The following RAB3C variants were observed in gnomAD, a reference collection of about 807,000 sequenced individuals.
RAB3C encodes ras-related protein Rab-3C.
Under a neutral mutation model 26.4 loss-of-function variants are expected in RAB3C, and 17 were observed. The observed-to-expected ratio is 0.64, with a 90% confidence interval of 0.44 to 0.97. RAB3C has a LOEUF of 0.97. Among genes scored for constraint, RAB3C ranks in the 50% least tolerant of loss-of-function variants. The pLI, the probability that RAB3C is intolerant of heterozygous loss-of-function variation, is 0.00. For synonymous variants in RAB3C, 91 were observed against 95.9 expected (o/e 0.95, Z 0.30); for missense variants, 242 against 281.9 (o/e 0.86, Z 1.01).
intron 3 of RAB3C, among the ~76,000 whole-genome samples, chr5:58,766,495 C>T (rs771192800): frequency 4.6e-5 from 7 of 152,182 alleles, no homozygotes; most frequent in Non-Finnish European, 1.5e-5. Context: ...ATGTCCACGA[C>T]AGAAGTTCAG....
intron 3 of RAB3C, among the ~76,000 whole-genome samples, chr5:58,806,383 C>T (rs1742938556): frequency 6.6e-6 from 1 of 152,066 alleles, no homozygotes; most frequent in Non-Finnish European, 1.5e-5. Flanking sequence ...GCAACCAATA[C>T]ATCAATTTTA....
intron 3 of RAB3C, among the ~76,000 whole-genome samples, chr5:58,784,557 G>A (rs1424369284): frequency 1.3e-5 from 2 of 152,048 alleles, no homozygotes; most frequent in Admixed American, 6.6e-5. Context: ...CGGTTTACAT[G>A]TATTGCTGCT....
In RAB3C at chr5:58,825,066, G is replaced by A; in HGVS notation, c.400G>A (p.Asp134Asn). The change falls in exon 4 of 5, where the codon GAC becomes AAC. Residue 134 changes from aspartate (D) to asparagine (N), a missense_variant. Coordinates refer to ENST00000282878, the MANE Select transcript of RAB3C (RefSeq NM_138453.4). ...WSTQIKTYSW[D>N]NAQVILVGNK... ...AACTCAAATCAAAACATACTCTTGGGACAATGCCCAAGTTATTCTGGTTGG... is the reference window on the plus strand; with the variant it reads ...AACTCAAATCAAAACATACTCTTGGAACAATGCCCAAGTTATTCTGGTTGG... 6.2e-7 allele frequency: 1 copy of A among 1,612,250 alleles called. No individual in the cohort carries two copies. The highest frequency in any genetic ancestry group is 2.2e-5 in the East Asian group (1 of 44,784).
At chr5:58,582,825 C>G (rs1745927724), upstream of RAB3C, among the ~76,000 whole-genome samples, 1 of 152,234 alleles carries the variant, frequency 6.6e-6, no homozygotes, top group South Asian at 2.1e-4. Flanking sequence ...CATTCGCCTG[C>G]CCCTGGCGAG....
chr5:58,832,054 G>A lies in RAB3C; in HGVS notation c.496+6892G>A, dbSNP rs73757988. Among the ~76,000 whole-genome samples, 1,122 of 152,306 alleles carry A rather than the reference G, an allele frequency of 7.4e-3. 19 individuals carry two copies. Among genetic ancestry groups the A allele is most frequent in the African/African-American group, 0.025 (1,053 of 41,572 alleles). Reference sequence around the variant, plus strand: ...AAAACAAGGGGCAGATTAGCCCAGAGAGCCAGCAGAAGGAAGCTGTAATTG... The same window carrying A: ...AAAACAAGGGGCAGATTAGCCCAGAAAGCCAGCAGAAGGAAGCTGTAATTG... On this transcript the variant is annotated intron_variant, in intron 4 of 4. Transcript: ENST00000282878.
intron 3 of RAB3C, among the ~76,000 whole-genome samples, chr5:58,744,179 C>T (rs750297534): frequency 2.0e-5 from 3 of 152,174 alleles, no homozygotes; most frequent in Non-Finnish European, 2.9e-5. Context: ...CTTTCTGAGG[C>T]AGGGGTTTGT....
rs539586078 is a variant in RAB3C, at chr5:58,857,489, T to C, written c.*6138T>C. The C allele has an allele frequency of 6.6e-6, 1 of 152,308 alleles. No individual in the cohort carries two copies. The highest frequency in any genetic ancestry group is 2.4e-5 in the African/African-American group (1 of 41,590). The allele number at this position is 152,308 out of a possible 1,614,324, so 9.4% of individuals were successfully genotyped here. A position where few individuals can be genotyped will look rare whatever the true frequency, so the allele number is the denominator to read the frequency against. ...CTTTTAAGCAACTAATTTAGATACC[T>C]AAGAAAAACTATGTGCATTAGGAAA... On this transcript the variant is annotated 3_prime_UTR_variant, in exon 5 of 5. Coordinates refer to ENST00000282878, the MANE Select transcript of RAB3C (RefSeq NM_138453.4).
intron 1 of RAB3C, among the ~76,000 whole-genome samples, chr5:58,601,318 G>C (rs184824975): frequency 4.6e-5 from 7 of 152,114 alleles, no homozygotes; most frequent in African/African-American, 1.7e-4. Flanking sequence ...TATTGGTTGT[G>C]TCCTTTCCTG....
intron 2 of RAB3C, among the ~76,000 whole-genome samples, chr5:58,710,725 G>A (rs1579872444): frequency 6.6e-6 from 1 of 151,836 alleles, no homozygotes; most frequent in South Asian, 2.1e-4. Context: ...CTGCTCTTCC[G>A]AGAGGCAGCC....
At chr5:58,649,583 C>T (rs532948534) in intron 2 of RAB3C, among the ~76,000 whole-genome samples, 39 of 152,016 alleles carry the variant, frequency 2.6e-4, no homozygotes, top group African/African-American at 9.2e-4. Flanking sequence ...AGGAGCCCCA[C>T]ATTCTCTTAA....
intron 3 of RAB3C, among the ~76,000 whole-genome samples, chr5:58,808,803 A>C (rs888643956): frequency 2.9e-4 from 44 of 152,208 alleles, no homozygotes; most frequent in Non-Finnish European, 8.8e-5. Context: ...TATGGTATTT[A>C]ATAACATGTC....
chr5:58,787,292 C>T (rs958428192), intron 3 of RAB3C, among the ~76,000 whole-genome samples: 7 of 152,158 alleles, frequency 4.6e-5, no homozygotes, highest in African/African-American at 1.7e-4. Flanking sequence ...AAATTGTAAG[C>T]ATTTTCTCTG....
chr5:58,715,456 GGAA>G (rs142958235), intron 2 of RAB3C, among the ~76,000 whole-genome samples: 108 of 146,220 alleles, frequency 7.4e-4, no homozygotes, highest in African/African-American at 2.8e-3. Context: ...AATTAATGAA[GGAA>G]GAAGAAGAAG....
At chr5:58,796,998 G>C (rs13176867) in intron 3 of RAB3C, among the ~76,000 whole-genome samples, 76,336 of 150,400 alleles carry the variant, frequency 0.51, 20,806 homozygotes, top group South Asian at 0.62. Flanking sequence ...CACACACACA[G>C]ACACACACAC....
chr5:58,852,526 T>G lies in RAB3C; in HGVS notation c.*1175T>G, dbSNP rs559303200. 8 of 152,350 alleles carry G rather than the reference T, an allele frequency of 5.3e-5. No individual in the cohort carries two copies. Among genetic ancestry groups the G allele is most frequent in the Non-Finnish European group, 1.0e-4 (7 of 68,036 alleles). The allele number at this position is 152,350 out of a possible 1,614,324, so 9.4% of individuals were successfully genotyped here. A position where few individuals can be genotyped will look rare whatever the true frequency, so the allele number is the denominator to read the frequency against. ...CATAAATTCTAAAGCATATTCCTATTACGTGAATGCTTAAGTTACACAGGA... is the reference window on the plus strand; with the variant it reads ...CATAAATTCTAAAGCATATTCCTATGACGTGAATGCTTAAGTTACACAGGA... On this transcript the variant is annotated 3_prime_UTR_variant, in exon 5 of 5. Coordinates refer to ENST00000282878, the MANE Select transcript of RAB3C (RefSeq NM_138453.4).
At chr5:58,681,544 T>C (rs1283080638) in intron 2 of RAB3C, among the ~76,000 whole-genome samples, 1 of 152,252 alleles carries the variant, frequency 6.6e-6, no homozygotes, top group Non-Finnish European at 1.5e-5. Context: ...GTGAATACTT[T>C]TTACTTTTGC....
At chr5:58,779,944 G>A (rs1369573416) in intron 3 of RAB3C, among the ~76,000 whole-genome samples, 1 of 152,108 alleles carries the variant, frequency 6.6e-6, no homozygotes, top group African/African-American at 2.4e-5. Context: ...GCTCACCTGG[G>A]AGCATTTTGC....
At chr5:58,660,792 T>A (rs1049431726) in intron 2 of RAB3C, among the ~76,000 whole-genome samples, 1 of 150,238 alleles carries the variant, frequency 6.7e-6, no homozygotes, top group Admixed American at 6.6e-5. Context: ...TTAGATTCCT[T>A]TATTTTAATC....
chr5:58,850,577 G>A (rs369833410), intron 4 of RAB3C, among the ~76,000 whole-genome samples: 2 of 152,334 alleles, frequency 1.3e-5, no homozygotes, highest in African/African-American at 4.8e-5. Context: ...ACATGGAAAA[G>A]TTAGAGCTGG....
Sources: allele counts gnomAD v4.1 joint callset (sites outside exome capture counted in the v4.1 genomes callset), GRCh38; gene constraint gnomAD v4.1.1; transcripts MANE v1.5; gene names NCBI Gene and HGNC (gene_info 2026-07-23, HGNC 2026-07-21).